The following COLQ variants were observed in gnomAD, a reference collection of about 807,000 sequenced individuals.
COLQ encodes the protein acetylcholinesterase collagenic tail peptide.
COLQ carries 48 observed loss-of-function variants against 69.0 expected under a neutral mutation model. The observed-to-expected ratio is 0.70, with a 90% CI of 0.55 to 0.88. The LOEUF (loss-of-function observed/expected upper bound fraction) is 0.88. Among genes scored for constraint, COLQ ranks in the 40% least tolerant of loss-of-function variants. The pLI is 0.00. For synonymous variants in COLQ, 217 were observed against 211.2 expected (o/e 1.03, Z -0.24); for missense variants, 618 against 594.6 (o/e 1.04, Z -0.41).
intron 1 of COLQ, among the ~76,000 whole-genome samples, chr3:15,516,333 G>A (rs997059393): frequency 1.3e-5 from 2 of 152,172 alleles, no homozygotes; most frequent in East Asian, 1.9e-4. Context: ...AGGGGAGCAC[G>A]GGGCTGGACA....
In COLQ at chr3:15,488,199, C is replaced by T; in HGVS notation, c.321+7G>A. 1.9e-6 allele frequency: 3 copies of T among 1,608,774 alleles called. No individual in the cohort carries two copies. The highest frequency in any genetic ancestry group is 1.7e-6 in the Non-Finnish European group (2 of 1,177,466). ...ACAGCGAGAGGGGTCCGGTAGAGTG[C>T]ACCAACCTGGGGGCCGGGAGGCCCA... On this transcript the variant is annotated splice_region_variant and intron_variant, in intron 3 of 16. Coordinates refer to ENST00000383788, the MANE Select transcript of COLQ (RefSeq NM_005677.4).
At position 15,517,144 on chromosome 3, in the gene COLQ, A is replaced by T. The variant is rs115972227; in HGVS notation, c.106+4376T>A. Among the ~76,000 whole-genome samples, 1,185 of 152,314 alleles carry T rather than the reference A, an allele frequency of 7.8e-3. 14 individuals carry two copies. Among genetic ancestry groups the T allele is most frequent in the African/African-American group, 0.027 (1,115 of 41,552 alleles). On this transcript the variant is annotated intron_variant, in intron 1 of 16. Coordinates refer to ENST00000383788, the MANE Select transcript of COLQ (RefSeq NM_005677.4). ...GGCAACAGAGCGAGACCCTGTCTCG[A>T]AAAAACAAACAAAAAAGAATCCAGA...
At chr3:15,471,030 G>A (rs1176559771) in intron 10 of COLQ, among the ~76,000 whole-genome samples, 2 of 152,188 alleles carry the variant, frequency 1.3e-5, no homozygotes, top group Admixed American at 6.5e-5. Context: ...GTTTTCTTAC[G>A]TGCTGTTTTT....
chr3:15,491,120 G>C (rs1026582087), intron 1 of COLQ, among the ~76,000 whole-genome samples: 1 of 151,826 alleles, frequency 6.6e-6, no homozygotes, highest in Non-Finnish European at 1.5e-5. Context: ...TTAAGAGCCA[G>C]CTTGAATGGT....
intron 11 of COLQ, among the ~76,000 whole-genome samples, chr3:15,466,870 G>C (rs2062208093): frequency 1.3e-5 from 2 of 152,150 alleles, no homozygotes; most frequent in Non-Finnish European, 2.9e-5. Context: ...TGGTCTTCAA[G>C]GGCACCATGT....
rs192853773 is a variant in COLQ at position 15,478,620 on chromosome 3, G to C, written c.393+357C>G. On this transcript the variant is annotated intron_variant, in intron 5 of 16. Coordinates refer to ENST00000383788, the MANE Select transcript of COLQ (RefSeq NM_005677.4). ...CACTTTATTCAAATTTAATCAAACA[G>C]AGAGTGACAGTCATTCAATGTCACT... 2.0e-3 allele frequency: 763 copies of C among 379,006 alleles called. 3 individuals are homozygous for C. Among genetic ancestry groups the C allele is most frequent in the Non-Finnish European group, 3.2e-3 (646 of 203,296 alleles). 23.5% of individuals were successfully genotyped at this position (379,006 alleles called of 1,614,324 possible).
chr3:15,456,073 C>T, intron 14 of COLQ, 54 bp from the exon 15 acceptor site: 1 of 1,608,682 alleles, frequency 6.2e-7, no homozygotes, highest in Non-Finnish European at 8.5e-7. Flanking sequence ...CAGGCAGCCG[C>T]AGGCAGGGAG....
intron 1 of COLQ, among the ~76,000 whole-genome samples, chr3:15,499,845 A>G (rs1398942217): frequency 6.6e-6 from 1 of 152,208 alleles, no homozygotes; most frequent in African/African-American, 2.4e-5. Flanking sequence ...GAAGTTATTC[A>G]TTCTTTCGGA....
chr3:15,476,036 G>A (rs1013060392), intron 6 of COLQ, among the ~76,000 whole-genome samples: 2 of 152,086 alleles, frequency 1.3e-5, no homozygotes, highest in Admixed American at 6.5e-5. Context: ...AAAACTAAAC[G>A]AATGAAGTTA....
intron 15 of COLQ, 27 bp from the exon 16 acceptor site, chr3:15,453,958 T>C (rs2125081900): frequency 6.5e-7 from 1 of 1,531,758 alleles, no homozygotes; most frequent in Non-Finnish European, 9.0e-7. Context: ...AGGTGCAGTC[T>C]TGAGAAGGAG....
At chr3:15,470,457 G>T in intron 11 of COLQ, 79 bp downstream of exon 11, 1 of 1,302,668 alleles carries the variant, frequency 7.7e-7, no homozygotes, top group Non-Finnish European at 1.1e-6. Flanking sequence ...TCTGATTAAC[G>T]CCACCTGCCT....
intron 13 of COLQ, among the ~76,000 whole-genome samples, chr3:15,457,498 G>T: frequency 6.6e-6 from 1 of 152,168 alleles, no homozygotes; most frequent in Non-Finnish European, 1.5e-5. Context: ...AGGGTACACA[G>T]GGGTTCATTA....
chr3:15,491,432 A>G (rs1258045265), intron 1 of COLQ, among the ~76,000 whole-genome samples: 1 of 152,202 alleles, frequency 6.6e-6, no homozygotes, highest in Non-Finnish European at 1.5e-5. Flanking sequence ...AGGGGCCAGC[A>G]TCTGCCGACC....
At chr3:15,494,916 C>A (rs2062723983) in intron 1 of COLQ, among the ~76,000 whole-genome samples, 1 of 152,194 alleles carries the variant, frequency 6.6e-6, no homozygotes, top group South Asian at 2.1e-4. Context: ...GTGATTCACA[C>A]ATAGAAATTC....
At position 15,492,360 on chromosome 3, in the gene COLQ, A is replaced by G. The variant is rs893919812; in HGVS notation, c.107-2723T>C. Among the ~76,000 whole-genome samples the G allele has an allele frequency of 8.5e-5, 13 of 152,262 alleles. 1 individual carries two copies. The highest frequency in any genetic ancestry group is 1.9e-4 in the East Asian group (1 of 5,176). On this transcript the variant is annotated intron_variant, in intron 1 of 16. Transcript: ENST00000383788. ...CTTAGAAAACTCAATTTATATTATA[A>G]CAGTGCTTTAAAAATGCTGCATAAG... is the stretch of plus-strand genomic sequence containing the variant.
At chr3:15,513,411 C>T (rs1406248618) in intron 1 of COLQ, among the ~76,000 whole-genome samples, 1 of 152,168 alleles carries the variant, frequency 6.6e-6, no homozygotes, top group East Asian at 1.9e-4. Flanking sequence ...TGTGTCTATG[C>T]CAGAGCGCTT....
chr3:15,458,150 G>A (rs755182558), intron 13 of COLQ, 36 bp downstream of exon 13: 39 of 1,611,554 alleles, frequency 2.4e-5, no homozygotes, highest in East Asian at 1.1e-4. Context: ...AGGTCCTCAC[G>A]GATAACCACC....
intron 13 of COLQ, among the ~76,000 whole-genome samples, chr3:15,456,855 C>T (rs140624510): frequency 7.1e-4 from 108 of 151,968 alleles, no homozygotes; most frequent in Non-Finnish European, 7.8e-4. Flanking sequence ...TGGAGTCTCA[C>T]GCGGTTGCCC....
chr3:15,485,462 C>T (rs914475113), intron 3 of COLQ, among the ~76,000 whole-genome samples: 2 of 152,210 alleles, frequency 1.3e-5, no homozygotes, highest in Non-Finnish European at 2.9e-5. Context: ...TCTTCTGCAT[C>T]GCTCACACTG....
Sources: gnomAD v4.1 joint callset for allele counts (sites outside exome capture counted in the v4.1 genomes callset) on GRCh38, gnomAD v4.1.1 for gene constraint, MANE v1.5 for transcripts, NCBI Gene and HGNC (gene_info 2026-07-23, HGNC 2026-07-21) for gene names.